The following ARHGEF7 variants were observed in gnomAD, a reference collection of about 807,000 sequenced individuals.
The protein encoded by ARHGEF7 is Rho guanine nucleotide exchange factor 7.
A neutral mutation model predicts 109.8 loss-of-function variants in ARHGEF7; 33 were observed. The ratio of observed to expected loss-of-function variants is 0.30; its 90% CI spans 0.23 to 0.40. The LOEUF is 0.40. ARHGEF7 is among the 10% of genes least tolerant of loss of function. ARHGEF7 has a pLI of 1.00. For missense variants in ARHGEF7, 938 were observed against 1,098.5 expected (o/e 0.85, Z 2.07); for synonymous variants, 458 against 424.6 (o/e 1.08, Z -0.97).
chr13:111,252,122 A>G lies in ARHGEF7; in HGVS notation c.950+7828A>G, dbSNP rs139434939. Among the ~76,000 whole-genome samples, 1,330 of 152,360 alleles carry G rather than the reference A, an allele frequency of 8.7e-3. 15 individuals are homozygous for G. Among genetic ancestry groups the G allele is most frequent in the African/African-American group, 0.03 (1,259 of 41,578 alleles). On this transcript the variant is annotated intron_variant, in intron 8 of 21. Coordinates refer to ENST00000646102, the MANE Select transcript of ARHGEF7 (RefSeq NM_001354046.2). ...GGGGCAGAAGCCTAGATGGCATTCC[A>G]TAGAAAGCACTAGTTAAGATGGCAT...
intron 2 of ARHGEF7, chr13:111,181,988 T>C (rs2078784761): frequency 6.6e-6 from 1 of 152,230 alleles, no homozygotes; most frequent in African/African-American, 2.4e-5. Context: ...TCAGGGGAAA[T>C]GTGAAAAGCC....
chr13:111,299,825 G>A (rs560054998), intron 19 of ARHGEF7, among the ~76,000 whole-genome samples: 2 of 152,170 alleles, frequency 1.3e-5, no homozygotes, highest in African/African-American at 2.4e-5. Flanking sequence ...GTTAGCGAGC[G>A]TGTCTCCAAC....
At chr13:111,274,620 A>C in intron 10 of ARHGEF7, 111 bp from the exon 11 acceptor site, 1 of 485,428 alleles carries the variant, frequency 2.1e-6, no homozygotes, top group Non-Finnish European at 3.6e-6. Context: ...GAAAAAGGGA[A>C]TGTTAAGGGT....
intron 2 of ARHGEF7, among the ~76,000 whole-genome samples, chr13:111,201,515 G>T (rs563672117): frequency 9.5e-4 from 145 of 152,328 alleles, no homozygotes; most frequent in Non-Finnish European, 1.8e-3. Context: ...TCTTCTCTCT[G>T]TTCAGTGGGC....
At chr13:111,147,408 G>A (rs1006984649) in intron 1 of ARHGEF7, among the ~76,000 whole-genome samples, 34 of 152,096 alleles carry the variant, frequency 2.2e-4, no homozygotes, top group Non-Finnish European at 5.0e-4. Flanking sequence ...TGTTATCTGT[G>A]GTTTTAATTT....
At chr13:111,244,650 G>A (rs1379969874) in intron 8 of ARHGEF7, among the ~76,000 whole-genome samples, 1 of 152,194 alleles carries the variant, frequency 6.6e-6, no homozygotes, top group East Asian at 1.9e-4. Context: ...GGCCTTGAAG[G>A]CCAGGTCTTT....
chr13:111,286,779 G>A (rs1234579746), intron 17 of ARHGEF7, among the ~76,000 whole-genome samples: 1 of 152,140 alleles, frequency 6.6e-6, no homozygotes, highest in Admixed American at 6.5e-5. Flanking sequence ...TTAGGTGCTC[G>A]GTAGATAGCT....
At chr13:111,246,899 G>A (rs979122172) in intron 8 of ARHGEF7, among the ~76,000 whole-genome samples, 1 of 152,154 alleles carries the variant, frequency 6.6e-6, no homozygotes, top group African/African-American at 2.4e-5. Flanking sequence ...TCAGCCCTGC[G>A]AATTATTATC....
intron 3 of ARHGEF7, among the ~76,000 whole-genome samples, chr13:111,205,584 TTTTCCTTTCTGTGGG>T (rs1215132588): frequency 6.6e-6 from 1 of 152,194 alleles, no homozygotes; most frequent in Non-Finnish European, 1.5e-5. Context: ...ATATCAGGTG[TTTTCCTTTCTGTGGG>T]TGGAGAGATT....
At chr13:111,275,411 T>C (rs2092419069) in intron 11 of ARHGEF7, 121 bp from the exon 12 acceptor site, 2 of 1,124,920 alleles carry the variant, frequency 1.8e-6, no homozygotes, top group Non-Finnish European at 2.5e-6. Context: ...CAATAAATTA[T>C]CTGTCTGAAG....
intron 9 of ARHGEF7, 116 bp downstream of exon 9, chr13:111,267,786 A>C: frequency 7.8e-7 from 1 of 1,280,438 alleles, no homozygotes; most frequent in Non-Finnish European, 1.1e-6. Flanking sequence ...TATGAATTTT[A>C]ATTACCCCTC....
chr13:111,149,313 A>G (rs72670019), intron 1 of ARHGEF7, among the ~76,000 whole-genome samples: 13,827 of 152,228 alleles, frequency 0.091, 881 homozygotes, highest in Admixed American at 0.22. Context: ...TTTATATGTA[A>G]TAATTTATAA....
At chr13:111,211,498 TAGTA>T (rs2082489586) in intron 4 of ARHGEF7, among the ~76,000 whole-genome samples, 2 of 152,204 alleles carry the variant, frequency 1.3e-5, no homozygotes, top group African/African-American at 2.4e-5. Flanking sequence ...ACTGAGATCA[TAGTA>T]AGTATTGGAT....
intron 2 of ARHGEF7, among the ~76,000 whole-genome samples, chr13:111,158,646 C>G (rs1320946970): frequency 6.6e-6 from 1 of 152,196 alleles, no homozygotes; most frequent in African/African-American, 2.4e-5. Context: ...CTTTTGGTCT[C>G]TCAGATCAAC....
intron 15 of ARHGEF7, 28 bp downstream of exon 15, chr13:111,280,705 C>A: frequency 6.7e-7 from 1 of 1,492,776 alleles, no homozygotes; most frequent in Non-Finnish European, 8.9e-7. Flanking sequence ...CTCCTCCTTC[C>A]AGACTCCAGG....
At chr13:111,287,488 G>A (rs76707664) in intron 17 of ARHGEF7, among the ~76,000 whole-genome samples, 3,262 of 152,340 alleles carry the variant, frequency 0.021, 119 homozygotes, top group African/African-American at 0.075. Context: ...GGCCGAAAGA[G>A]ATCCCTGTTC....
At chr13:111,171,256 C>T (rs148084147) in intron 2 of ARHGEF7, among the ~76,000 whole-genome samples, 22 of 152,242 alleles carry the variant, frequency 1.4e-4, no homozygotes, top group Non-Finnish European at 2.5e-4. Context: ...ATAGTTTAAA[C>T]TGTGTGAGCT....
chr13:111,137,121 A>T (rs2075123859), intron 1 of ARHGEF7, among the ~76,000 whole-genome samples: 1 of 152,236 alleles, frequency 6.6e-6, no homozygotes, highest in African/African-American at 2.4e-5. Flanking sequence ...CCAACCAAAA[A>T]AAGTCCAGGA....
At chr13:111,285,819 C>T (rs930151950) in intron 16 of ARHGEF7, among the ~76,000 whole-genome samples, 2 of 152,130 alleles carry the variant, frequency 1.3e-5, no homozygotes, top group African/African-American at 2.4e-5. Flanking sequence ...CCCTCAGGAG[C>T]GTGCAGGATG....
Sources: allele counts gnomAD v4.1 joint callset (sites outside exome capture counted in the v4.1 genomes callset), GRCh38; gene constraint gnomAD v4.1.1; transcripts MANE v1.5; gene names NCBI Gene and HGNC (gene_info 2026-07-23, HGNC 2026-07-21).